Variants in UBR1 observed in about 807,000 individuals in gnomAD.
The protein encoded by UBR1 is E3 ubiquitin-protein ligase UBR1.
In UBR1, 102 loss-of-function variants were observed where a neutral mutation model predicts 242.1. That is an observed-to-expected ratio of 0.42 (90% confidence interval 0.36 to 0.50). UBR1 has a LOEUF of 0.50. Ranked by LOEUF, UBR1 falls within the 20% of genes least tolerant of loss-of-function variation. UBR1 has a pLI of 0.01. For synonymous variants in UBR1, 675 were observed against 684.8 expected (o/e 0.99, Z 0.22); for missense variants, 1,772 against 2,101.8 (o/e 0.84, Z 3.07).
intron 5 of UBR1, 36 bp from the exon 6 acceptor site, chr15:43,068,072 A>C: frequency 6.8e-7 from 1 of 1,460,182 alleles, no homozygotes; most frequent in African/African-American, 1.4e-5. Context: ...TGGATACTAC[A>C]ACAAATAAAG....
chr15:43,038,227 G>A lies in UBR1; in HGVS notation c.1855C>T (p.His619Tyr). Reference sequence around the variant, plus strand: ...GCACCCAGCCTGCTTAAACGTACATGAAGACCTAAAGTTAAAAAAACGAGA... The same window carrying A: ...GCACCCAGCCTGCTTAAACGTACATAAAGACCTAAAGTTAAAAAAACGAGA... ...LPLSRTLAGLHVRLSRLGAVS... is the reference protein window; with the variant it reads ...LPLSRTLAGLYVRLSRLGAVS... The change falls in exon 16 of 47, where the codon CAT becomes TAT. Residue 619 changes from histidine to tyrosine, a missense_variant. Around this residue, in one of 3 missense-constraint regions of UBR1, gnomAD observed 734 missense variants for 893.3 expected, o/e 0.82. Coordinates refer to ENST00000290650, the MANE Select transcript of UBR1 (RefSeq NM_174916.3). The A allele has an allele frequency of 6.2e-7, 1 of 1,613,980 alleles. No individual in the cohort carries two copies. The highest frequency in any genetic ancestry group is 1.3e-5 in the African/African-American group (1 of 75,022).
chr15:42,965,876 T>C (rs1394603249), intron 41 of UBR1, among the ~76,000 whole-genome samples: 2 of 152,236 alleles, frequency 1.3e-5, no homozygotes, highest in Non-Finnish European at 2.9e-5. Flanking sequence ...TTGTATAGCA[T>C]ATCAGTTATA....
intron 42 of UBR1, among the ~76,000 whole-genome samples, chr15:42,963,026 GA>G (rs2032048410): frequency 6.6e-6 from 1 of 152,160 alleles, no homozygotes; most frequent in African/African-American, 2.4e-5. Context: ...GACTGAACTA[GA>G]ACAGCAATTA....
At chr15:43,031,165 G>A (rs967431600) in intron 20 of UBR1, among the ~76,000 whole-genome samples, 2 of 151,348 alleles carry the variant, frequency 1.3e-5, no homozygotes, top group African/African-American at 4.9e-5. Flanking sequence ...CTATAGATCA[G>A]AAATATAATT....
intron 5 of UBR1, among the ~76,000 whole-genome samples, chr15:43,068,620 G>GTTTTGTTT (rs2033785022): frequency 6.7e-6 from 1 of 150,096 alleles, no homozygotes; most frequent in South Asian, 2.1e-4. Context: ...ATGTTTTTGG[G>GTTTTGTTT]TTTTGTTTTG....
intron 1 of UBR1, among the ~76,000 whole-genome samples, chr15:43,100,343 G>C (rs1382175160): frequency 6.6e-6 from 1 of 151,984 alleles, no homozygotes; most frequent in Non-Finnish European, 1.5e-5. Context: ...TTCCTGTTTT[G>C]GCTTTTATTA....
chr15:43,088,164 A>G (rs939817951), intron 1 of UBR1, among the ~76,000 whole-genome samples: 2 of 152,244 alleles, frequency 1.3e-5, no homozygotes, highest in African/African-American at 4.8e-5. Context: ...CATTTCATGT[A>G]CAGTTATTCA....
At chr15:43,050,827 G>A (rs961170860) in intron 12 of UBR1, among the ~76,000 whole-genome samples, 1 of 151,704 alleles carries the variant, frequency 6.6e-6, no homozygotes, top group African/African-American at 2.4e-5. Context: ...ATGAAATAAA[G>A]CTCAACATCA....
At chr15:43,021,575 C>T (rs538586354) in intron 26 of UBR1, among the ~76,000 whole-genome samples, 200 bp from the exon 27 acceptor site, 1 of 151,988 alleles carries the variant, frequency 6.6e-6, no homozygotes, top group African/African-American at 2.4e-5. Flanking sequence ...CTTATAATGC[C>T]TAATACAATG....
intron 1 of UBR1, among the ~76,000 whole-genome samples, chr15:43,087,617 T>A (rs746607873): frequency 6.6e-5 from 10 of 152,180 alleles, no homozygotes; most frequent in Non-Finnish European, 1.5e-4. Context: ...GGTATTACTA[T>A]AGAAATTAGT....
intron 1 of UBR1, among the ~76,000 whole-genome samples, chr15:43,099,409 C>T (rs1054755505): frequency 1.3e-5 from 2 of 151,880 alleles, no homozygotes; most frequent in Non-Finnish European, 2.9e-5. Context: ...TATTGCGTAA[C>T]CATAACAATA....
intron 6 of UBR1, among the ~76,000 whole-genome samples, chr15:43,063,425 A>G (rs894685776): frequency 2.6e-5 from 4 of 152,174 alleles, no homozygotes; most frequent in African/African-American, 9.7e-5. Flanking sequence ...GCTCACAGTA[A>G]TCCTACCACA....
intron 32 of UBR1, among the ~76,000 whole-genome samples, chr15:43,000,228 T>TA (rs1486494162): frequency 6.6e-6 from 1 of 152,180 alleles, no homozygotes; most frequent in African/African-American, 2.4e-5. Flanking sequence ...CTGCTATGTA[T>TA]AATCATGTAT....
chr15:42,974,555 T>C (rs1453273007), intron 39 of UBR1, among the ~76,000 whole-genome samples: 1 of 152,248 alleles, frequency 6.6e-6, no homozygotes, highest in Non-Finnish European at 1.5e-5. Flanking sequence ...CTAGGACTTT[T>C]GTCTTTCCAT....
chr15:43,035,007 T>C (rs1218657740), intron 19 of UBR1, among the ~76,000 whole-genome samples: 2 of 152,080 alleles, frequency 1.3e-5, no homozygotes, highest in African/African-American at 4.8e-5. Context: ...GCTACAAATG[T>C]TTATAAGACC....
intron 1 of UBR1, among the ~76,000 whole-genome samples, chr15:43,095,301 C>A (rs1302792194): frequency 6.6e-6 from 1 of 152,206 alleles, no homozygotes; most frequent in African/African-American, 2.4e-5. Flanking sequence ...TACAGCTTCA[C>A]TCCTCTAAAC....
rs141951750 is a variant in UBR1 at position 43,079,076 on chromosome 15, C to T, written c.417+3562G>A. 3.5e-3 allele frequency among the ~76,000 whole-genome samples: 526 copies of T among 152,220 alleles called. 2 individuals carry two copies. The highest frequency in any genetic ancestry group is 0.012 in the African/African-American group (501 of 41,534). On this transcript the variant is annotated intron_variant, in intron 3 of 46. Transcript: ENST00000290650. The stretch of plus-strand genomic sequence containing the variant: ...AATGAGATGAAGTAAAAAGTAGGAT[C>T]AGAGAGAAAGTCATTGAAATGGGGG...
chr15:43,061,673 T>C (rs557276295), intron 6 of UBR1, among the ~76,000 whole-genome samples: 52 of 152,132 alleles, frequency 3.4e-4, no homozygotes, highest in South Asian at 3.1e-3. Context: ...CTGGGTGAGA[T>C]TGGAGACTAT....
chr15:42,997,862 A>T (rs942846476), intron 33 of UBR1, among the ~76,000 whole-genome samples: 4 of 152,226 alleles, frequency 2.6e-5, no homozygotes, highest in Non-Finnish European at 4.4e-5. Flanking sequence ...CATAATCAGT[A>T]AGTGGATCTT....
Sources: gnomAD v4.1 joint callset for allele counts (sites outside exome capture counted in the v4.1 genomes callset) on GRCh38, gnomAD v4.1.1 for gene constraint, gnomAD v4.1.1 regional missense constraint, MANE v1.5 for transcripts, NCBI Gene and HGNC (gene_info 2026-07-23, HGNC 2026-07-21) for gene names.